Variants in CD46 observed in about 807,000 individuals in gnomAD.
CD46 encodes CD46 molecule.
CD46 carries 30 observed loss-of-function variants against 53.3 expected under a neutral mutation model. The observed-to-expected ratio is 0.56, with a 90% CI of 0.42 to 0.76. The LOEUF is 0.76. Among genes scored for constraint, CD46 ranks in the 30% least tolerant of loss-of-function variants. The pLI is 0.00. For synonymous variants in CD46, 142 were observed against 152.0 expected (o/e 0.93, Z 0.48); for missense variants, 409 against 463.0 (o/e 0.88, Z 1.07).
At chr1:207,760,114 G>A in intron 4 of CD46, 1 of 184,692 alleles carries the variant, frequency 5.4e-6, no homozygotes, top group Non-Finnish European at 1.1e-5. Flanking sequence ...CCATGCTCAA[G>A]CAGTCTGCCC....
intron 5 of CD46, among the ~76,000 whole-genome samples, chr1:207,764,240 C>T (rs1422938746): frequency 2.0e-5 from 3 of 152,118 alleles, no homozygotes; most frequent in Non-Finnish European, 4.4e-5. Context: ...AGCTGCGGTG[C>T]GCCAGTCACA....
chr1:207,767,158 CAG>C lies in CD46; in HGVS notation c.820_821del (p.Ser274TyrfsTer11), dbSNP rs1191117776. 4.3e-6 allele frequency: 7 copies of C among 1,613,752 alleles called. No individual in the cohort carries two copies. Among genetic ancestry groups the C allele is most frequent in the Non-Finnish European group, 5.9e-6 (7 of 1,179,768 alleles). ...GSDTIVCDSN[S>X]TWDPPVPKCL... is the part of the protein sequence containing the mutation. ...GCGACACAATTGTCTGTGACAGTAA[CAG>C]TACTTGGGATCCCCCAGTTCCAAAG... On this transcript the variant is annotated frameshift_variant, in exon 6 of 13. Coordinates refer to ENST00000367042, the MANE Select transcript of CD46 (RefSeq NM_172351.3). LOFTEE classifies it high-confidence loss of function.
At chr1:207,755,361 C>A (rs1182250241) in intron 1 of CD46, among the ~76,000 whole-genome samples, 4 of 152,052 alleles carry the variant, frequency 2.6e-5, no homozygotes, top group African/African-American at 9.7e-5. Flanking sequence ...TGAGAAGTCA[C>A]GATGCTAGGC....
chr1:207,789,586 A>G (rs774085773), intron 11 of CD46, among the ~76,000 whole-genome samples: 10 of 152,210 alleles, frequency 6.6e-5, no homozygotes, highest in Non-Finnish European at 1.2e-4. Flanking sequence ...AAAGTTTTGC[A>G]ACGATGTCTC....
intron 5 of CD46, among the ~76,000 whole-genome samples, chr1:207,764,591 T>C (rs1656635048): frequency 6.6e-6 from 1 of 152,234 alleles, no homozygotes; most frequent in African/African-American, 2.4e-5. Flanking sequence ...TTGATTACTT[T>C]ACAAAATTAT....
chr1:207,766,576 C>T (rs201281730), intron 5 of CD46, among the ~76,000 whole-genome samples: 1 of 152,070 alleles, frequency 6.6e-6, no homozygotes, highest in East Asian at 1.9e-4. Flanking sequence ...AAAACAACCT[C>T]AGATCCAGGA....
intron 12 of CD46, among the ~76,000 whole-genome samples, chr1:207,791,884 A>C (rs1045069740): frequency 3.9e-5 from 6 of 152,212 alleles, no homozygotes; most frequent in South Asian, 4.1e-4. Context: ...GTTTCTTTAA[A>C]TTTATGTTAA....
chr1:207,761,819 C>T (rs749380150), intron 5 of CD46, among the ~76,000 whole-genome samples: 28 of 151,876 alleles, frequency 1.8e-4, no homozygotes, highest in South Asian at 1.0e-3. Flanking sequence ...ACAGACTAAT[C>T]GTCTCACAAA....
intron 9 of CD46, 103 bp downstream of exon 9, chr1:207,783,433 A>G: frequency 1.3e-6 from 1 of 757,404 alleles, no homozygotes; most frequent in Non-Finnish European, 2.4e-6. Flanking sequence ...TGGTAGGGTA[A>G]GATAACTTTC....
chr1:207,767,684 C>T (rs972986283), intron 6 of CD46, 95 bp from the exon 7 acceptor site: 1 of 1,602,496 alleles, frequency 6.2e-7, no homozygotes, highest in Admixed American at 1.7e-5. Context: ...TGTCTTCTTC[C>T]TTATATGTTA....
Position 207,767,161 on chromosome 1 carries a change from T to C in CD46, c.822T>C (p.Ser274=), listed in dbSNP as rs1249166733. ...ACACAATTGTCTGTGACAGTAACAG[T>C]ACTTGGGATCCCCCAGTTCCAAAGT... ...GSDTIVCDSN[S]TWDPPVPKCL... The change falls in exon 6 of 13, where the codon AGT becomes AGC. Residue 274 remains serine (S), a synonymous_variant. Coordinates refer to ENST00000367042, the MANE Select transcript of CD46 (RefSeq NM_172351.3). The C allele has an allele frequency of 7.4e-6, 12 of 1,613,936 alleles. No individual in the cohort carries two copies. The highest frequency in any genetic ancestry group is 9.3e-6 in the Non-Finnish European group (11 of 1,179,784).
chr1:207,778,201 A>G (rs2102652671), intron 8 of CD46, among the ~76,000 whole-genome samples: 1 of 152,176 alleles, frequency 6.6e-6, no homozygotes, highest in African/African-American at 2.4e-5. Context: ...TGTCAGATGC[A>G]TAGTTTGCAA....
chr1:207,773,920 C>A (rs985832937), intron 8 of CD46, among the ~76,000 whole-genome samples: 2 of 152,166 alleles, frequency 1.3e-5, no homozygotes, highest in African/African-American at 2.4e-5. Context: ...AGAGCTAGTT[C>A]AAGTCCTGGA....
rs374407190 is a variant in CD46 at position 207,767,360 on chromosome 1, C to A, written c.856+165C>A. 12 of 750,032 alleles carry A rather than the reference C, an allele frequency of 1.6e-5. No individual in the cohort carries two copies. In the East Asian group the frequency reaches 2.7e-4, roughly 17 times the overall value. The allele number at this position is 750,032 out of a possible 1,614,324, so 46.5% of individuals were successfully genotyped here. A position where few individuals can be genotyped will look rare whatever the true frequency, so the allele number is the denominator to read the frequency against. ...TCATTTCTATGCCAGATGAATGACA[C>A]GAAATTCACATAAAATTCTGCTGTT... On this transcript the variant is annotated intron_variant, in intron 6 of 12. Coordinates refer to ENST00000367042, the MANE Select transcript of CD46 (RefSeq NM_172351.3).
chr1:207,752,225 G>A lies in CD46; in HGVS notation c.13G>A (p.Gly5Ser), dbSNP rs965396791. ...TTCCGCGCCGCGCATGGAGCCTCCC[G>A]GCCGCCGCGAGTGTCCCTTTCCTTC... is the stretch of plus-strand genomic sequence containing the variant. MEPP[G>S]RRECPFPSWR... The change falls in exon 1 of 13, where the codon GGC becomes AGC. Residue 5 changes from glycine to serine, a missense_variant. By Grantham distance (56) the Gly-to-Ser change is moderately conservative. Transcript: ENST00000367042. This position sits in a 1 kb window ranked among gnomAD's most constrained non-coding sequence, Gnocchi z 4.1. 5.6e-6 allele frequency: 9 copies of A among 1,613,994 alleles called. No homozygotes were observed. In the East Asian group the frequency reaches 1.1e-4, roughly 20 times the overall value.
chr1:207,759,556 A>C, intron 3 of CD46, 83 bp from the exon 4 acceptor site: 4 of 766,712 alleles, frequency 5.2e-6, no homozygotes, highest in Non-Finnish European at 9.1e-6. Context: ...TGTAGAAAAG[A>C]AACCATATAA....
chr1:207,754,759 G>A (rs1469829170), intron 1 of CD46, among the ~76,000 whole-genome samples: 2 of 151,986 alleles, frequency 1.3e-5, no homozygotes, highest in Non-Finnish European at 2.9e-5. Context: ...AGGGCTTCCA[G>A]TACTTCAGTC....
At chr1:207,755,143 A>T (rs1655392100) in intron 1 of CD46, among the ~76,000 whole-genome samples, 1 of 152,008 alleles carries the variant, frequency 6.6e-6, no homozygotes, top group Non-Finnish European at 1.5e-5. Context: ...ACACACATAC[A>T]CACACAAACA....
At chr1:207,793,235 C>T (rs1010321010) in intron 12 of CD46, among the ~76,000 whole-genome samples, 1 of 152,120 alleles carries the variant, frequency 6.6e-6, no homozygotes, top group Admixed American at 6.6e-5. Flanking sequence ...TCCCATTGGC[C>T]CTACATCAAA....
Sources: gnomAD v4.1 joint callset for allele counts (sites outside exome capture counted in the v4.1 genomes callset) on GRCh38, gnomAD v4.1.1 for gene constraint, Gnocchi (gnomAD v3.1) non-coding constraint, MANE v1.5 for transcripts, NCBI Gene and HGNC (gene_info 2026-07-23, HGNC 2026-07-21) for gene names.